Variants in MYO15A observed in about 807,000 individuals in gnomAD.
The protein encoded by MYO15A is unconventional myosin-XV.
MYO15A carries 308 observed loss-of-function variants against 394.6 expected under a neutral mutation model. That is an observed-to-expected ratio of 0.78 (90% CI 0.71 to 0.86). The LOEUF (loss-of-function observed/expected upper bound fraction) is 0.86, where lower values mean the gene tolerates loss of function less well. MYO15A is among the 40% of genes least tolerant of loss of function. MYO15A has a pLI of 0.00. For missense variants in MYO15A, 4,606 were observed against 4,799.1 expected, an observed-to-expected ratio of 0.96 and a Z score of 1.19; for synonymous variants, 1,957 against 2,003.8, an observed-to-expected ratio of 0.98 and a Z score of 0.62.
In MYO15A at chr17:18,155,126, C is replaced by T. The variant is rs765558224; in HGVS notation, c.8241C>T (p.Asp2747=). 1.9e-6 allele frequency: 3 copies of T among 1,613,764 alleles called. No individual in the cohort carries two copies. The highest frequency in any genetic ancestry group is 2.5e-6 in the Non-Finnish European group (3 of 1,179,922). The change falls in exon 46 of 66, where the codon GAC becomes GAT. Residue 2747 remains aspartate (D), a synonymous_variant. Transcript: ENST00000647165. ...CTCCCATAGCCCAGAACCAGCTGGACACACAGAAGCCTCTGGTAACGGAAA... is the reference window on the plus strand; with the variant it reads ...CTCCCATAGCCCAGAACCAGCTGGATACACAGAAGCCTCTGGTAACGGAAA... ...MKALFAQNQL[D]TQKPLVTESV...
chr17:18,172,248 C>A lies in MYO15A; in HGVS notation c.10308C>A (p.Ala3436=), dbSNP rs1343772491. The part of the protein sequence containing the change: ...NIAVPAPCIL[A]INHNGLNFLS... Reference sequence around the variant, plus strand: ...CTGTGCCAGCCCCTTGCATCCTTGCCATCAACCACAATGGCCTCAACTTTC... The same window carrying A: ...CTGTGCCAGCCCCTTGCATCCTTGCAATCAACCACAATGGCCTCAACTTTC... The change falls in exon 64 of 66, where the codon GCC becomes GCA. Residue 3436 remains alanine, a synonymous_variant. Transcript: ENST00000647165. The A allele has an allele frequency of 3.1e-6, 5 of 1,614,128 alleles. No homozygotes were observed. Among genetic ancestry groups the A allele is most frequent in the Non-Finnish European group, 4.2e-6 (5 of 1,180,058 alleles).
At chr17:18,127,029 G>A in intron 6 of MYO15A, 46 bp from the exon 7 acceptor site, 1 of 1,612,006 alleles carries the variant, frequency 6.2e-7, no homozygotes, top group Non-Finnish European at 8.5e-7. Flanking sequence ...TGCCCCAGAA[G>A]AGGCAGCGAA....
chr17:18,126,662 G>A (rs2046048202), intron 5 of MYO15A, 129 bp from the exon 6 acceptor site: 1 of 1,201,202 alleles, frequency 8.3e-7, no homozygotes, highest in Non-Finnish European at 1.2e-6. Context: ...GGGGGTGGGA[G>A]CATTCCCCCA....
rs200416838 is a variant in MYO15A, at chr17:18,162,589, C to T, written c.9522C>T (p.Ile3174=). The stretch of plus-strand genomic sequence containing the variant: ...CTGAACTCCCTGCTTCTGCAGGGAT[C>T]GCCAAGGCCTGCGAGCAGAACCTGC... The part of the protein sequence containing the change: ...SRTPGLPFQG[I]AKACEQNLQK... The change falls in exon 58 of 66, where the codon ATC becomes ATT. Residue 3174 remains isoleucine, a synonymous_variant. Transcript: ENST00000647165. The T allele has an allele frequency of 1.4e-4, 229 of 1,613,812 alleles. 1 individual carries two copies. The highest frequency in any genetic ancestry group is 9.8e-4 in the South Asian group (89 of 91,066).
intron 50 of MYO15A, chr17:18,157,520 C>G: frequency 8.7e-7 from 1 of 1,147,774 alleles, no homozygotes; most frequent in Non-Finnish European, 1.2e-6. Flanking sequence ...TGCTTCACTT[C>G]CCCTTTATGG....
intron 7 of MYO15A, 60 bp from the exon 8 acceptor site, chr17:18,130,745 C>T: frequency 1.2e-6 from 2 of 1,610,862 alleles, no homozygotes; most frequent in South Asian, 1.1e-5. Flanking sequence ...GTCGGTCCTG[C>T]TAGTGACTCC....
chr17:18,174,075 ATGGG>A (rs1022510702), intron 65 of MYO15A, among the ~76,000 whole-genome samples, 154 bp downstream of exon 65: 98 of 152,344 alleles, frequency 6.4e-4, no homozygotes, highest in African/African-American at 2.2e-3. Context: ...GCAGATCATT[ATGGG>A]TGGCCATCCA....
Position 18,120,198 on chromosome 17 carries a change from C to T in MYO15A, c.1398C>T (p.Pro466=), listed in dbSNP as rs1369228093. The T allele has an allele frequency of 8.1e-6, 13 of 1,612,898 alleles. No homozygotes were observed. Among genetic ancestry groups the T allele is most frequent in the South Asian group, 2.2e-5 (2 of 91,088 alleles). Residue 466 remains proline (P), a synonymous_variant, in exon 2 of 66, where the codon CCC becomes CCT. Transcript: ENST00000647165. ...AFFEQQGMDK[P]ARSKLSLIRK... The stretch of plus-strand genomic sequence containing the variant: ...TCGAGCAGCAAGGCATGGATAAGCC[C>T]GCCAGGTCCAAGCTGTCCCTCATCC...
chr17:18,142,395 TTC>T (rs2142342398), intron 24 of MYO15A, 141 bp downstream of exon 24: 3 of 1,078,258 alleles, frequency 2.8e-6, no homozygotes, highest in East Asian at 5.2e-5. Flanking sequence ...AATGATCAGA[TTC>T]TCTGTGTCTC....
intron 60 of MYO15A, chr17:18,165,091 C>T (rs972100828): frequency 1.6e-4 from 8 of 49,482 alleles, no homozygotes; most frequent in African/African-American, 6.2e-4. Context: ...AACTCCATCT[C>T]AAAAAAAAAA....
chr17:18,122,527 G>T lies in MYO15A; in HGVS notation c.3609+118G>T, dbSNP rs1418982280. The T allele has an allele frequency of 1.1e-5, 15 of 1,417,954 alleles. No individual in the cohort carries two copies. In the African/African-American group the frequency reaches 1.9e-4, roughly 18 times the overall value. 87.8% of individuals were successfully genotyped at this position (1,417,954 alleles called of 1,614,324 possible). A position where few individuals can be genotyped will look rare whatever the true frequency, so the allele number is the denominator to read the frequency against. ...AGAGAGGCTGCTTGCTGGGGCCTCA[G>T]TCTCTGGGTCTGTAAGTTGGGGAGA... On this transcript the variant is annotated intron_variant, in intron 2 of 65. Transcript: ENST00000647165.
chr17:18,119,825 A>T lies in MYO15A; in HGVS notation c.1025A>T (p.Tyr342Phe). Reference protein sequence around the residue: ...YEGEAHPYGYYLDPYAPYDAP... With the variant: ...YEGEAHPYGYFLDPYAPYDAP... ...GGCGAGGCGCACCCTTATGGCTACTACCTGGATCCCTATGCGCCGTACGAC... is the reference window on the plus strand; with the variant it reads ...GGCGAGGCGCACCCTTATGGCTACTTCCTGGATCCCTATGCGCCGTACGAC... The change falls in exon 2 of 66, where the codon TAC (tyrosine) becomes TTC (phenylalanine). Residue 342 changes from tyrosine to phenylalanine, a missense_variant. Around this residue, in one of 2 missense-constraint regions of MYO15A, gnomAD observed 1,830 missense variants for 1,689.7 expected, o/e 1.08. Coordinates refer to ENST00000647165, the MANE Select transcript of MYO15A (RefSeq NM_016239.4). 3 of 1,612,866 alleles carry T rather than the reference A, an allele frequency of 1.9e-6. No individual in the cohort carries two copies. The South Asian group carries it at 3.3e-5, about 18-fold the overall frequency.
chr17:18,156,039 G>A, intron 47 of MYO15A, 156 bp from the exon 48 acceptor site: 1 of 1,141,540 alleles, frequency 8.8e-7, no homozygotes, highest in Non-Finnish European at 1.3e-6. Context: ...GGTCAGAGAG[G>A]GGAAGCAGGA....
chr17:18,119,474 G>A lies in MYO15A; in HGVS notation c.674G>A (p.Gly225Glu). 1 of 1,612,660 alleles carries A rather than the reference G, an allele frequency of 6.2e-7. No homozygotes were observed. The highest frequency in any genetic ancestry group is 8.5e-7 in the Non-Finnish European group (1 of 1,179,978). Residue 225 changes from glycine to glutamate, a missense_variant, in exon 2 of 66, where the codon GGG (glycine) becomes GAG (glutamate). By Grantham distance (98) the Gly-to-Glu change is moderately conservative. Coordinates refer to ENST00000647165, the MANE Select transcript of MYO15A (RefSeq NM_016239.4). ...TCGGGCTCCCGCAAGTCGCTGTACG[G>A]GCTTGAGGGCTTCCAGGACCTGGGC... Reference protein sequence around the residue: ...HHSGSRKSLYGLEGFQDLGEY... With the variant: ...HHSGSRKSLYELEGFQDLGEY...
In MYO15A at chr17:18,127,109, A is replaced by C; in HGVS notation, c.3976A>C (p.Lys1326Gln). The C allele has an allele frequency of 6.2e-7, 1 of 1,613,898 alleles. No homozygotes were observed. The highest frequency in any genetic ancestry group is 8.5e-7 in the Non-Finnish European group (1 of 1,179,970). The part of the protein sequence containing the change: ...ESGSGKTEAT[K>Q]LILRYLAAMN... ...CGGCTCTGGCAAAACTGAGGCCACCAAGCTGATTCTGCGCTACCTGGCCGC... is the reference window on the plus strand; with the variant it reads ...CGGCTCTGGCAAAACTGAGGCCACCCAGCTGATTCTGCGCTACCTGGCCGC... The change falls in exon 7 of 66, where the codon AAG (lysine) becomes CAG (glutamine). Residue 1326 changes from lysine to glutamine, a missense_variant. Lys to Gln is a moderately conservative substitution (Grantham distance 53). Transcript: ENST00000647165.
rs1282616549 is a variant in MYO15A, at chr17:18,118,950, G to A, written c.150G>A (p.Lys50=). 9 of 1,613,490 alleles carry A rather than the reference G, an allele frequency of 5.6e-6. No homozygotes were observed. The highest frequency in any genetic ancestry group is 1.1e-5 in the South Asian group (1 of 91,088). ...ACCGTACACCCAAGATCTCCAAGAA[G>A]GGCCAGTTCCGCAGCGCCTCGGCCT... ...FRDRTPKISK[K]GQFRSASAFF... The change falls in exon 2 of 66, where the codon AAG becomes AAA. Residue 50 remains lysine (K), a synonymous_variant. Coordinates refer to ENST00000647165, the MANE Select transcript of MYO15A (RefSeq NM_016239.4).
chr17:18,109,045 G>A (rs1238846491), intron 1 of MYO15A: 1 of 152,348 alleles, frequency 6.6e-6, no homozygotes, highest in Non-Finnish European at 1.5e-5. Context: ...CAGGGCCTCT[G>A]TGGCTTACCT....
chr17:18,157,931 G>GGGGGGGGGGGCC, intron 51 of MYO15A, 31 bp downstream of exon 51: 5 of 412,702 alleles, frequency 1.2e-5, no homozygotes, highest in Non-Finnish European at 2.2e-5. Flanking sequence ...GTGGGGCGGG[G>GGGGGGGGGGGCC]TAGACCAGGG....
chr17:18,133,105 G>A, intron 11 of MYO15A, 120 bp from the exon 12 acceptor site: 1 of 1,015,380 alleles, frequency 9.8e-7, no homozygotes, highest in Non-Finnish European at 1.5e-6. Flanking sequence ...CCATGAGAGT[G>A]AAATGACAGC....
Sources: allele counts gnomAD v4.1 joint callset (sites outside exome capture counted in the v4.1 genomes callset), GRCh38; gene constraint gnomAD v4.1.1; regional missense constraint gnomAD v4.1.1; transcripts MANE v1.5; gene names NCBI Gene and HGNC (gene_info 2026-07-23, HGNC 2026-07-21).